AFTPH: variants seen among roughly 807,000 people sequenced by gnomAD.
AFTPH encodes the protein aftiphilin.
A neutral mutation model predicts 72.5 loss-of-function variants in AFTPH; 7 were observed. That is an observed-to-expected ratio of 0.10 (90% CI 0.05 to 0.18). AFTPH has a LOEUF of 0.18. Ranked by LOEUF, AFTPH falls within the 10% of genes least tolerant of loss-of-function variation. The pLI, the probability that AFTPH is intolerant of heterozygous loss-of-function variation, is 1.00. For synonymous variants in AFTPH, 337 were observed against 370.1 expected, an observed-to-expected ratio of 0.91 and a Z score of 1.03; for missense variants, 979 against 1,060.5, an observed-to-expected ratio of 0.92 and a Z score of 1.07.
chr2:64,569,078 C>T lies in AFTPH; in HGVS notation c.2088-14C>T. ...AGTAACCTGTTGTTGATGGCTTCAT[C>T]ATGGCCTTTGCAGGGAATTGCTAGA... On this transcript the variant is annotated splice_polypyrimidine_tract_variant and intron_variant, in intron 3 of 8. Coordinates refer to ENST00000238856, the Ensembl canonical transcript of AFTPH. The T allele has an allele frequency of 6.2e-7, 1 of 1,613,866 alleles. No individual in the cohort carries two copies. Among genetic ancestry groups the T allele is most frequent in the Non-Finnish European group, 8.5e-7 (1 of 1,179,840 alleles).
intron 2 of AFTPH, among the ~76,000 whole-genome samples, chr2:64,559,786 CCTTCACCTCTTGGTTTCAAGCAGT>C (rs1671604479): frequency 6.6e-6 from 1 of 152,084 alleles, no homozygotes; most frequent in African/African-American, 2.4e-5. Context: ...CTCACTGCAG[CCTTCACCTCTTGGTTTCAAGCAGT>C]CCTCCCACCT....
At chr2:64,584,514 T>C (rs990374058) in intron 7 of AFTPH, among the ~76,000 whole-genome samples, 2 of 152,110 alleles carry the variant, frequency 1.3e-5, no homozygotes, top group African/African-American at 2.4e-5. Context: ...TCACCTTTTC[T>C]GAAAATCTTT....
chr2:64,585,596 G>C, intron 8 of AFTPH, 51 bp downstream of exon 9: 1 of 1,549,766 alleles, frequency 6.5e-7, no homozygotes, highest in Non-Finnish European at 8.7e-7. Flanking sequence ...GAGATAAAAC[G>C]ACCCAAAGGA....
At chr2:64,570,330 T>C (rs1433937856) in intron 5 of AFTPH, among the ~76,000 whole-genome samples, 1 of 152,208 alleles carries the variant, frequency 6.6e-6, no homozygotes, top group Non-Finnish European at 1.5e-5. Context: ...AGCATTACTA[T>C]AACCGTTAAA....
chr2:64,592,163 C>A, exon 9 of AFTPH: 1 of 980,054 alleles, frequency 1.0e-6, no homozygotes. Context: ...TGTTGGTAAG[C>A]CGCACTAGAA....
At chr2:64,585,955 C>T (rs949009381) in intron 8 of AFTPH, among the ~76,000 whole-genome samples, 1 of 152,122 alleles carries the variant, frequency 6.6e-6, no homozygotes, top group African/African-American at 2.4e-5. Context: ...TACTTGCAGG[C>T]TAAGATGGTT....
intron 2 of AFTPH, among the ~76,000 whole-genome samples, chr2:64,556,782 A>G (rs1014855563): frequency 3.9e-5 from 6 of 152,240 alleles, no homozygotes; most frequent in Non-Finnish European, 8.8e-5. Context: ...CTGTGGGTCC[A>G]GCCAGTCTCA....
rs567977010 is a variant in AFTPH at position 64,565,316 on chromosome 2, A to C, written c.1936-2246A>C. Among the ~76,000 whole-genome samples, 15 of 151,892 alleles carry C rather than the reference A, an allele frequency of 9.9e-5. No homozygotes were observed. In the East Asian group the frequency reaches 2.9e-3, roughly 30 times the overall value. On this transcript the variant is annotated intron_variant, in intron 2 of 8. Coordinates refer to ENST00000238856, the Ensembl canonical transcript of AFTPH. ...CATGGTGAAACACCGTCTACTAAAA[A>C]TACAAAAAATTAGCTGGGCGCGGTG...
At chr2:64,555,380 G>T (rs1247546632) in intron 2 of AFTPH, among the ~76,000 whole-genome samples, 1 of 152,104 alleles carries the variant, frequency 6.6e-6, no homozygotes, top group Non-Finnish European at 1.5e-5. Context: ...GGCCAACATG[G>T]TGAGACCCTG....
At chr2:64,585,887 G>T (rs1377079412) in intron 8 of AFTPH, among the ~76,000 whole-genome samples, 6 of 149,598 alleles carry the variant, frequency 4.0e-5, no homozygotes, top group African/African-American at 1.5e-4. Flanking sequence ...TAATTACTGA[G>T]AAGATCATCT....
intron 1 of AFTPH, among the ~76,000 whole-genome samples, chr2:64,545,877 T>C (rs1670582068): frequency 6.6e-6 from 1 of 151,622 alleles, no homozygotes; most frequent in East Asian, 1.9e-4. Context: ...AAACGCAAGT[T>C]TTTTTTTGTT....
At chr2:64,549,745 C>T (rs527288087) in intron 1 of AFTPH, among the ~76,000 whole-genome samples, 1 of 151,644 alleles carries the variant, frequency 6.6e-6, no homozygotes, top group East Asian at 1.9e-4. Context: ...AAGGATTATT[C>T]AACAAAAGGG....
chr2:64,551,992 G>T, exon 2 of AFTPH: 1 of 1,613,846 alleles, frequency 6.2e-7, no homozygotes, highest in Non-Finnish European at 8.5e-7. Flanking sequence ...AGCTGCAATG[G>T]TGAAAAGCCT....
intron 1 of AFTPH, among the ~76,000 whole-genome samples, chr2:64,536,951 CAAAAAAAAAAAAAA>C (rs70937353): frequency 7.3e-5 from 6 of 81,796 alleles, no homozygotes; most frequent in Non-Finnish European, 1.0e-4. Flanking sequence ...GACTCTGTCT[CAAAAAAAAAAAAAA>C]AAAAAAAAAA....
At chr2:64,552,150 A>G in exon 2 of AFTPH, 1 of 1,614,100 alleles carries the variant, frequency 6.2e-7, no homozygotes, top group South Asian at 1.1e-5. Flanking sequence ...CTCTGTACCT[A>G]GTCCTGCTGA....
intron 6 of AFTPH, among the ~76,000 whole-genome samples, chr2:64,576,074 TACACACACACACACAC>T (rs55774717): frequency 0.013 from 1,633 of 127,758 alleles, 15 homozygotes; most frequent in Non-Finnish European, 0.016. Flanking sequence ...TTTGGCATGC[TACACACACACACACAC>T]ACACACACAC....
intron 2 of AFTPH, among the ~76,000 whole-genome samples, chr2:64,558,892 A>G (rs1336258363): frequency 6.6e-6 from 1 of 152,152 alleles, no homozygotes. Context: ...ACATACCAGC[A>G]CTTACTCAGA....
At chr2:64,526,681 A>G (rs1572927979) in intron 1 of AFTPH, among the ~76,000 whole-genome samples, 2 of 152,284 alleles carry the variant, frequency 1.3e-5, no homozygotes, top group South Asian at 4.1e-4. Flanking sequence ...CATTTTGCTA[A>G]TCATTTTCTC....
At chr2:64,557,578 C>T (rs1329303460) in intron 2 of AFTPH, among the ~76,000 whole-genome samples, 1 of 152,196 alleles carries the variant, frequency 6.6e-6, no homozygotes, top group Non-Finnish European at 1.5e-5. Context: ...CTCCTGAGTT[C>T]AAGCGAGTCT....
Sources: allele counts gnomAD v4.1 joint callset (sites outside exome capture counted in the v4.1 genomes callset), GRCh38; gene constraint gnomAD v4.1.1; transcripts MANE v1.5; gene names NCBI Gene and HGNC (gene_info 2026-07-23, HGNC 2026-07-21).